The following INSYN2B variants were observed in gnomAD, a reference collection of about 807,000 sequenced individuals.
The protein encoded by INSYN2B is protein INSYN2B.
In INSYN2B, 16 loss-of-function variants were observed where a neutral mutation model predicts 41.2. The ratio of observed to expected loss-of-function variants is 0.39; its 90% CI spans 0.26 to 0.59. The LOEUF is 0.59. INSYN2B is among the 20% of genes least tolerant of loss of function. The pLI is 0.57. For missense variants in INSYN2B, 608 were observed against 646.4 expected, an observed-to-expected ratio of 0.94 and a Z score of 0.64; for synonymous variants, 245 against 244.4, an observed-to-expected ratio of 1.00 and a Z score of -0.02.
chr5:169,902,276 C>T (rs1223050929), intron 1 of INSYN2B, among the ~76,000 whole-genome samples: 1 of 152,192 alleles, frequency 6.6e-6, no homozygotes, highest in East Asian at 1.9e-4. Context: ...CAATGATAAC[C>T]AGCATCACTT....
intron 1 of INSYN2B, among the ~76,000 whole-genome samples, chr5:169,927,911 C>T (rs905644339): frequency 2.6e-5 from 4 of 152,156 alleles, no homozygotes; most frequent in African/African-American, 7.2e-5. Context: ...ACACTGCTCC[C>T]GGCCCGAAAA....
At chr5:169,953,347 A>G (rs1410544315) in intron 1 of INSYN2B, among the ~76,000 whole-genome samples, 29 of 151,078 alleles carry the variant, frequency 1.9e-4, no homozygotes, top group East Asian at 7.8e-4. Flanking sequence ...AAAAAAAAAA[A>G]AGAGAGAGAG....
intron 1 of INSYN2B, among the ~76,000 whole-genome samples, chr5:169,901,909 A>T (rs1268460417): frequency 6.6e-6 from 1 of 152,216 alleles, no homozygotes; most frequent in Non-Finnish European, 1.5e-5. Context: ...TTGCAAGAAC[A>T]CATGGCTCTG....
At chr5:169,956,051 A>G (rs79712839) in intron 1 of INSYN2B, among the ~76,000 whole-genome samples, 1 of 152,134 alleles carries the variant, frequency 6.6e-6, no homozygotes, top group East Asian at 1.9e-4. Context: ...AAAAAAAAAA[A>G]AAGAGCCCAG....
At position 169,882,841 on chromosome 5, in the gene INSYN2B, C is replaced by CCCTCTTTTTCTTTATAAATTACA. The variant is rs1772737520; in HGVS notation, c.1057_1058insTGTAATTTATAAAGAAAAAGAGG (p.Gly353ValfsTer2). ...GTTGTTTGCCGTCTGCTCCTGACAC[C>CCCTCTTTTTCTTTATAAATTACA]CAGGGGCAGATTTCGATGCACTGTT... On this transcript the variant is annotated stop_gained and frameshift_variant, in exon 2 of 4. Coordinates refer to ENST00000377365, the MANE Select transcript of INSYN2B (RefSeq NM_001129891.3). LOFTEE classifies it high-confidence loss of function. 1.3e-6 allele frequency: 2 copies of CCCTCTTTTTCTTTATAAATTACA among 1,550,844 alleles called. No individual in the cohort carries two copies. The highest frequency in any genetic ancestry group is 2.7e-5 in the African/African-American group (2 of 72,934).
intron 1 of INSYN2B, among the ~76,000 whole-genome samples, chr5:169,968,193 C>G (rs2113758813): frequency 6.6e-6 from 1 of 152,340 alleles, no homozygotes; most frequent in African/African-American, 2.4e-5. Flanking sequence ...TGACCCCAAT[C>G]ATGGGCTGGT....
intron 1 of INSYN2B, among the ~76,000 whole-genome samples, chr5:169,977,420 A>G (rs1338098014): frequency 1.3e-5 from 2 of 152,200 alleles, no homozygotes; most frequent in African/African-American, 4.8e-5. Flanking sequence ...ACAAGACAAT[A>G]CTAATAATAG....
At chr5:169,897,463 A>G (rs1004901523) in intron 1 of INSYN2B, among the ~76,000 whole-genome samples, 1 of 152,190 alleles carries the variant, frequency 6.6e-6, no homozygotes, top group African/African-American at 2.4e-5. Context: ...TGCTAGGATT[A>G]CAAGTGTGAG....
rs187446354 is a variant in INSYN2B at position 169,903,054 on chromosome 5, C to T, written c.-918-18238G>A. Among the ~76,000 whole-genome samples, 1,012 of 151,562 alleles carry T rather than the reference C, an allele frequency of 6.7e-3. 10 individuals are homozygous for T. Among genetic ancestry groups the T allele is most frequent in the African/African-American group, 0.024 (978 of 41,312 alleles). ...TGGAGGTTGCAGTGAGCTGAGATCACGCCACTGTACTCCAGCCTGGCGACA... is the reference window on the plus strand; with the variant it reads ...TGGAGGTTGCAGTGAGCTGAGATCATGCCACTGTACTCCAGCCTGGCGACA... On this transcript the variant is annotated intron_variant, in intron 1 of 3. Transcript: ENST00000377365.
At chr5:169,975,858 A>G (rs1053725664) in intron 1 of INSYN2B, among the ~76,000 whole-genome samples, 2 of 152,240 alleles carry the variant, frequency 1.3e-5, no homozygotes, top group Admixed American at 6.5e-5. Flanking sequence ...CTGTATCCCC[A>G]GCATCTAAAA....
At chr5:169,927,246 G>A (rs780476857) in intron 1 of INSYN2B, among the ~76,000 whole-genome samples, 20 of 152,116 alleles carry the variant, frequency 1.3e-4, no homozygotes, top group Non-Finnish European at 2.5e-4. Context: ...AGATGAATTC[G>A]GAGAGGTAGA....
In INSYN2B at chr5:169,945,426, C is replaced by T. The variant is rs553285999; in HGVS notation, c.-919+34851G>A. Among the ~76,000 whole-genome samples the T allele has an allele frequency of 2.6e-5, 4 of 152,374 alleles. No individual in the cohort carries two copies. In the East Asian group the frequency reaches 5.8e-4, roughly 22 times the overall value. ...AGTGAAAAATCAGTGAGAATAAACT[C>T]AACAGAAATGCTAACAAGTGTTATT... On this transcript the variant is annotated intron_variant, in intron 1 of 3. Transcript: ENST00000377365.
intron 1 of INSYN2B, among the ~76,000 whole-genome samples, chr5:169,964,580 T>A (rs553955867): frequency 2.0e-4 from 31 of 152,196 alleles, no homozygotes; most frequent in Non-Finnish European, 4.3e-4. Context: ...CTTTTCTCAG[T>A]GCCCAGAGAA....
At chr5:169,915,624 GAGACAGAGAC>G (rs1237772283) in intron 1 of INSYN2B, among the ~76,000 whole-genome samples, 1 of 151,888 alleles carries the variant, frequency 6.6e-6, no homozygotes, top group Non-Finnish European at 1.5e-5. Flanking sequence ...GGGAGAGAGA[GAGACAGAGAC>G]AGACAGAGAC....
At position 169,942,775 on chromosome 5, in the gene INSYN2B, G is replaced by C. The variant is rs561095971; in HGVS notation, c.-919+37502C>G. ...GGAAACAGAGATCACCAACTAGCCTGCTCAAAGGTTAACTGTCAGGAACCT... is the reference window on the plus strand; with the variant it reads ...GGAAACAGAGATCACCAACTAGCCTCCTCAAAGGTTAACTGTCAGGAACCT... On this transcript the variant is annotated intron_variant, in intron 1 of 3. Transcript: ENST00000377365. 2.0e-5 allele frequency among the ~76,000 whole-genome samples: 3 copies of C among 152,300 alleles called. No homozygotes were observed. In the East Asian group the frequency reaches 5.8e-4, roughly 29 times the overall value.
chr5:169,935,524 A>G (rs1407723586), intron 1 of INSYN2B, among the ~76,000 whole-genome samples: 1 of 152,160 alleles, frequency 6.6e-6, no homozygotes, highest in African/African-American at 2.4e-5. Flanking sequence ...AGCCATTCGG[A>G]TATCAGGTCA....
At chr5:169,898,931 G>A (rs190320782) in intron 1 of INSYN2B, among the ~76,000 whole-genome samples, 1 of 152,290 alleles carries the variant, frequency 6.6e-6, no homozygotes, top group East Asian at 1.9e-4. Context: ...AGAAGCAAAA[G>A]GTGGTAGAAT....
At position 169,928,909 on chromosome 5, in the gene INSYN2B, G is replaced by A. The variant is rs370923602; in HGVS notation, c.-918-44093C>T. Reference sequence around the variant, plus strand: ...GGGTGTTTCTGTTCCTGCTTGAATAGTGGAATAATTAGCAGATAACTGCGC... The same window carrying A: ...GGGTGTTTCTGTTCCTGCTTGAATAATGGAATAATTAGCAGATAACTGCGC... On this transcript the variant is annotated intron_variant, in intron 1 of 3. Coordinates refer to ENST00000377365, the MANE Select transcript of INSYN2B (RefSeq NM_001129891.3). Among the ~76,000 whole-genome samples the A allele has an allele frequency of 4.1e-4, 62 of 152,334 alleles. No individual in the cohort carries two copies. The South Asian group carries it at 0.012, about 30-fold the overall frequency.
At chr5:169,867,440 T>G (rs1771644740) in intron 3 of INSYN2B, among the ~76,000 whole-genome samples, 1 of 145,908 alleles carries the variant, frequency 6.9e-6, no homozygotes, top group African/African-American at 2.5e-5. Flanking sequence ...TGTCTGTCTA[T>G]CTATCTATCT....
Sources: allele counts gnomAD v4.1 joint callset (sites outside exome capture counted in the v4.1 genomes callset), GRCh38; gene constraint gnomAD v4.1.1; transcripts MANE v1.5; gene names NCBI Gene and HGNC (gene_info 2026-07-23, HGNC 2026-07-21).